The following PIP5K1B variants were observed in gnomAD, a reference collection of about 807,000 sequenced individuals.
PIP5K1B encodes the protein phosphatidylinositol-4-phosphate 5-kinase type 1 beta.
PIP5K1B carries 42 observed loss-of-function variants against 67.0 expected under a neutral mutation model. The ratio of observed to expected loss-of-function variants is 0.63; its 90% confidence interval spans 0.49 to 0.81. The LOEUF (loss-of-function observed/expected upper bound fraction) is 0.81, where lower values mean the gene tolerates loss of function less well. Among genes scored for constraint, PIP5K1B ranks in the 30% least tolerant of loss-of-function variants. The probability of loss-of-function intolerance (pLI) is 0.00; values close to 1 mark genes in which losing one functional copy is unlikely to be tolerated. For synonymous variants in PIP5K1B, 214 were observed against 231.4 expected (o/e 0.92, Z 0.68); for missense variants, 459 against 646.3 (o/e 0.71, Z 3.14).
intron 14 of PIP5K1B, among the ~76,000 whole-genome samples, chr9:68,951,473 C>T (rs766728988): frequency 2.6e-5 from 4 of 152,208 alleles, no homozygotes; most frequent in Non-Finnish European, 4.4e-5. Flanking sequence ...CAACCACCCT[C>T]ACCTGCTGCT....
chr9:68,780,941 G>T lies in PIP5K1B; in HGVS notation c.-85-37520G>T, dbSNP rs201520212. 10 of 1,613,948 alleles carry T rather than the reference G, an allele frequency of 6.2e-6. No individual in the cohort carries two copies. In the East Asian group the frequency reaches 2.2e-4, roughly 36 times the overall value. ...CCGGATCTTCTTGTAACTCACCAGC[G>T]AAAGTCAGCACTACCACCGACTCTC... On this transcript the variant is annotated intron_variant, in intron 2 of 15. Transcript: ENST00000265382.
At chr9:69,000,760 A>C (rs1830788199) in intron 15 of PIP5K1B, among the ~76,000 whole-genome samples, 1 of 152,230 alleles carries the variant, frequency 6.6e-6, no homozygotes. Context: ...TTCTGTGGTG[A>C]CAACAGTTAG....
intron 14 of PIP5K1B, among the ~76,000 whole-genome samples, chr9:68,983,673 G>A (rs577488424): frequency 6.6e-6 from 1 of 152,302 alleles, no homozygotes; most frequent in Non-Finnish European, 1.5e-5. Context: ...AGTAGCTCAT[G>A]CCTGTAATGG....
At chr9:68,727,153 G>A (rs911099746) in intron 1 of PIP5K1B, among the ~76,000 whole-genome samples, 4 of 152,110 alleles carry the variant, frequency 2.6e-5, no homozygotes, top group Admixed American at 2.0e-4. Flanking sequence ...ACTTCAAGAG[G>A]AGGCCAGGGC....
At chr9:68,910,216 T>A (rs1296186801) in intron 8 of PIP5K1B, among the ~76,000 whole-genome samples, 3 of 152,250 alleles carry the variant, frequency 2.0e-5, no homozygotes, top group East Asian at 3.8e-4. Context: ...TTATCTGCCA[T>A]TTAGCTGTAT....
At chr9:68,845,092 T>A (rs1366512940) in intron 4 of PIP5K1B, among the ~76,000 whole-genome samples, 1 of 152,068 alleles carries the variant, frequency 6.6e-6, no homozygotes, top group African/African-American at 2.4e-5. Flanking sequence ...AGGAAGAAAT[T>A]TTGGCAATTC....
chr9:68,732,932 C>T (rs979044823), intron 1 of PIP5K1B, among the ~76,000 whole-genome samples: 9 of 133,498 alleles, frequency 6.7e-5, no homozygotes, highest in Non-Finnish European at 1.3e-4. Flanking sequence ...GGGGGCGGCG[C>T]GGTGGGAGAT....
At chr9:68,766,425 A>G (rs1318900692) in intron 2 of PIP5K1B, among the ~76,000 whole-genome samples, 1 of 152,174 alleles carries the variant, frequency 6.6e-6, no homozygotes, top group Non-Finnish European at 1.5e-5. Context: ...AAAATAGTTG[A>G]AAAAAATTAA....
chr9:68,947,361 C>G (rs1827851081), intron 14 of PIP5K1B, among the ~76,000 whole-genome samples: 1 of 152,200 alleles, frequency 6.6e-6, no homozygotes, highest in Admixed American at 6.5e-5. Flanking sequence ...TCCAGAGACA[C>G]TGCCCTGAAA....
At chr9:68,859,270 C>G (rs897503191) in intron 4 of PIP5K1B, among the ~76,000 whole-genome samples, 1 of 152,186 alleles carries the variant, frequency 6.6e-6, no homozygotes. Flanking sequence ...ATTCATTTTC[C>G]TCTTAGTATT....
chr9:68,953,516 A>T (rs911260799), intron 14 of PIP5K1B, among the ~76,000 whole-genome samples: 1 of 151,902 alleles, frequency 6.6e-6, no homozygotes, highest in Non-Finnish European at 1.5e-5. Context: ...TGAGTGGGAG[A>T]CTAGAAAACT....
chr9:68,965,149 T>G (rs1828952263), intron 14 of PIP5K1B, among the ~76,000 whole-genome samples: 1 of 152,210 alleles, frequency 6.6e-6, no homozygotes, highest in South Asian at 2.1e-4. Flanking sequence ...CCCTGCACCT[T>G]AATCACCTCA....
chr9:68,719,276 G>A (rs963514359), intron 1 of PIP5K1B, among the ~76,000 whole-genome samples: 1 of 152,110 alleles, frequency 6.6e-6, no homozygotes, highest in African/African-American at 2.4e-5. Flanking sequence ...AGTGGCAATT[G>A]ATGAGTATTT....
chr9:68,870,782 A>G (rs1823589494), intron 5 of PIP5K1B, among the ~76,000 whole-genome samples: 5 of 152,222 alleles, frequency 3.3e-5, no homozygotes, highest in Admixed American at 3.3e-4. Flanking sequence ...GTTGAATACA[A>G]GTGAGGGCAT....
chr9:68,765,698 T>C (rs544413339), intron 2 of PIP5K1B, among the ~76,000 whole-genome samples: 2 of 152,270 alleles, frequency 1.3e-5, no homozygotes, highest in African/African-American at 4.8e-5. Flanking sequence ...CATTAAAATA[T>C]CCAATTTGTT....
chr9:68,844,527 C>T (rs973110488), intron 4 of PIP5K1B, among the ~76,000 whole-genome samples: 1 of 152,026 alleles, frequency 6.6e-6, no homozygotes, highest in African/African-American at 2.4e-5. Context: ...CTGCTGAGAA[C>T]AGGCCCATCA....
chr9:69,001,170 G>A (rs1416863871), intron 15 of PIP5K1B, among the ~76,000 whole-genome samples: 3 of 151,856 alleles, frequency 2.0e-5, no homozygotes, highest in Admixed American at 2.0e-4. Flanking sequence ...GCCTCCCCAA[G>A]TGCCAGGATT....
chr9:68,880,011 C>T (rs900453952), intron 6 of PIP5K1B, among the ~76,000 whole-genome samples: 3 of 151,986 alleles, frequency 2.0e-5, no homozygotes, highest in Admixed American at 6.5e-5. Flanking sequence ...GTACTCTAAA[C>T]GGGTGAATTG....
At chr9:68,727,431 A>T (rs979739563) in intron 1 of PIP5K1B, among the ~76,000 whole-genome samples, 4 of 152,198 alleles carry the variant, frequency 2.6e-5, no homozygotes, top group African/African-American at 9.7e-5. Flanking sequence ...GATAAAAACA[A>T]TATGAAGTAA....
Sources: gnomAD v4.1 joint callset for allele counts (sites outside exome capture counted in the v4.1 genomes callset) on GRCh38, gnomAD v4.1.1 for gene constraint, MANE v1.5 for transcripts, NCBI Gene and HGNC (gene_info 2026-07-23, HGNC 2026-07-21) for gene names.